GLP2R: variants seen among roughly 807,000 people sequenced by gnomAD.
The protein encoded by GLP2R is glucagon like peptide 2 receptor, also known as glucagon-like peptide 2 receptor.
GLP2R carries 59 observed loss-of-function variants against 68.2 expected under a neutral mutation model. That is an observed-to-expected ratio of 0.87 (90% CI 0.70 to 1.07). The LOEUF (loss-of-function observed/expected upper bound fraction) is 1.07, where lower values mean the gene tolerates loss of function less well. Ranked by LOEUF, GLP2R falls within the 50% of genes least tolerant of loss-of-function variation. The pLI, the probability that GLP2R is intolerant of heterozygous loss-of-function variation, is 0.00. For missense variants in GLP2R, 548 were observed against 677.4 expected, an observed-to-expected ratio of 0.81 and a Z score of 2.12; for synonymous variants, 270 against 265.4, an observed-to-expected ratio of 1.02 and a Z score of -0.17.
At chr17:9,851,991 A>ATTT (rs2066895467) in intron 4 of GLP2R, among the ~76,000 whole-genome samples, 2 of 152,022 alleles carry the variant, frequency 1.3e-5, no homozygotes, top group Admixed American at 1.3e-4. Flanking sequence ...AAAATACAAT[A>ATTT]TGCCAATAAT....
intron 9 of GLP2R, among the ~76,000 whole-genome samples, chr17:9,868,394 G>A (rs893214309): frequency 6.6e-6 from 1 of 152,142 alleles, no homozygotes; most frequent in African/African-American, 2.4e-5. Flanking sequence ...GCCCAGATCT[G>A]TGCACAGAAG....
At chr17:9,838,375 G>T (rs1164822916) in intron 3 of GLP2R, among the ~76,000 whole-genome samples, 2 of 152,172 alleles carry the variant, frequency 1.3e-5, no homozygotes, top group Non-Finnish European at 2.9e-5. Flanking sequence ...CACAGCTGCC[G>T]CTTGGTCCGC....
At chr17:9,845,729 G>A (rs1484302050) in intron 4 of GLP2R, among the ~76,000 whole-genome samples, 2 of 141,070 alleles carry the variant, frequency 1.4e-5, no homozygotes, top group African/African-American at 5.7e-5. Flanking sequence ...CTATTTGGTT[G>A]GATTTATGTG....
intron 9 of GLP2R, among the ~76,000 whole-genome samples, chr17:9,862,940 G>C (rs1479878734): frequency 1.3e-5 from 2 of 152,166 alleles, no homozygotes; most frequent in Non-Finnish European, 1.5e-5. Context: ...TTATAGGGGA[G>C]TTTCAATATT....
chr17:9,865,860 G>A, intron 9 of GLP2R: 1 of 471,230 alleles, frequency 2.1e-6, no homozygotes, highest in Non-Finnish European at 4.4e-6. Flanking sequence ...AAACGGGCTT[G>A]AAGAGAAATG....
chr17:9,872,287 G>A (rs1427118940), intron 10 of GLP2R, among the ~76,000 whole-genome samples: 1 of 152,116 alleles, frequency 6.6e-6, no homozygotes, highest in Non-Finnish European at 1.5e-5. Flanking sequence ...AATAAAAGGT[G>A]GACATGAGGC....
intron 11 of GLP2R, 85 bp downstream of exon 11, chr17:9,880,601 C>G: frequency 2.2e-6 from 2 of 890,668 alleles, no homozygotes; most frequent in Non-Finnish European, 3.4e-6. Flanking sequence ...TTAAGGAGCC[C>G]GTGGATGAAA....
chr17:9,861,721 C>CA (rs2066989505), intron 8 of GLP2R, among the ~76,000 whole-genome samples: 1 of 151,996 alleles, frequency 6.6e-6, no homozygotes, highest in Non-Finnish European at 1.5e-5. Flanking sequence ...ATAGCACACA[C>CA]AAAAAACTAC....
chr17:9,841,822 C>A (rs192622192), intron 3 of GLP2R, among the ~76,000 whole-genome samples: 1 of 152,272 alleles, frequency 6.6e-6, no homozygotes, highest in Admixed American at 6.5e-5. Context: ...CAGATTTCGA[C>A]TTCTCGTTTG....
chr17:9,851,648 G>A (rs187797543), intron 4 of GLP2R, among the ~76,000 whole-genome samples: 95 of 152,072 alleles, frequency 6.2e-4, no homozygotes, highest in African/African-American at 2.2e-3. Context: ...AGTCTACACC[G>A]AGAGTTCTGC....
chr17:9,886,321 T>C (rs2067243945), intron 11 of GLP2R, among the ~76,000 whole-genome samples: 1 of 152,226 alleles, frequency 6.6e-6, no homozygotes, highest in Admixed American at 6.5e-5. Context: ...CCATGTGTTC[T>C]GTGGGACCCA....
At chr17:9,859,718 C>A (rs1334089398) in intron 6 of GLP2R, among the ~76,000 whole-genome samples, 1 of 144,932 alleles carries the variant, frequency 6.9e-6, no homozygotes, top group Non-Finnish European at 1.5e-5. Flanking sequence ...ACTCGGGGGG[C>A]TGACGCAGGA....
At chr17:9,855,703 C>A (rs980075489) in intron 5 of GLP2R, among the ~76,000 whole-genome samples, 3 of 152,220 alleles carry the variant, frequency 2.0e-5, no homozygotes, top group Non-Finnish European at 4.4e-5. Context: ...ATTATTATTA[C>A]CCCCACTTTA....
intron 8 of GLP2R, 113 bp downstream of exon 8, chr17:9,861,312 G>T (rs2066985622): frequency 1.3e-6 from 1 of 743,840 alleles, no homozygotes; most frequent in Non-Finnish European, 2.4e-6. Context: ...TCTCATTTTG[G>T]CCATCTAGAA....
At chr17:9,855,222 T>C (rs2066924706) in intron 5 of GLP2R, among the ~76,000 whole-genome samples, 1 of 152,090 alleles carries the variant, frequency 6.6e-6, no homozygotes, top group African/African-American at 2.4e-5. Context: ...TCATGAATCA[T>C]CAAAGCTGGA....
rs908860421 is a variant in GLP2R, at chr17:9,862,063, C to T, written c.1029C>T (p.Ile343=). Residue 343 remains isoleucine, a synonymous_variant, in exon 9 of 13, where the codon ATC becomes ATT. Transcript: ENST00000262441. ...GGAATAAGAAAATCTGGTGGATCATCCGAGGACCCATGATGCTCTGTGTAA... is the reference window on the plus strand; with the variant it reads ...GGAATAAGAAAATCTGGTGGATCATTCGAGGACCCATGATGCTCTGTGTAA... The part of the protein sequence containing the change: ...TNGNKKIWWI[I]RGPMMLCVTV... 1.2e-6 allele frequency: 2 copies of T among 1,613,620 alleles called. No homozygotes were observed. Among genetic ancestry groups the T allele is most frequent in the African/African-American group, 1.3e-5 (1 of 75,026 alleles).
Position 9,870,775 on chromosome 17 carries a change from T to A in GLP2R, c.1085T>A (p.Leu362His). The change falls in exon 10 of 13, where the codon CTC becomes CAC. Residue 362 changes from leucine to histidine, a missense_variant. Coordinates refer to ENST00000262441, the MANE Select transcript of GLP2R (RefSeq NM_004246.3). The stretch of plus-strand genomic sequence containing the variant: ...AATTTCTTCATCTTCCTGAAAATTC[T>A]CAAGCTTCTCATTTCTAAGCTCAAA... ...TVNFFIFLKI[L>H]KLLISKLKAH... 6.4e-7 allele frequency: 1 copy of A among 1,573,392 alleles called. No homozygotes were observed. Among genetic ancestry groups the A allele is most frequent in the Non-Finnish European group, 8.8e-7 (1 of 1,142,514 alleles).
At chr17:9,839,989 T>TC (rs2066770599) in intron 3 of GLP2R, among the ~76,000 whole-genome samples, 1 of 151,338 alleles carries the variant, frequency 6.6e-6, no homozygotes. Context: ...GCCTCTTTTT[T>TC]TTTTTTTTTG....
chr17:9,862,195 G>A (rs572336806), intron 9 of GLP2R, 105 bp downstream of exon 9: 409 of 804,218 alleles, frequency 5.1e-4, no homozygotes, highest in Admixed American at 1.3e-3. Context: ...TCCCTTGAGA[G>A]AGAGAAGCTG....
Sources: gnomAD v4.1 joint callset for allele counts (sites outside exome capture counted in the v4.1 genomes callset) on GRCh38, gnomAD v4.1.1 for gene constraint, MANE v1.5 for transcripts, NCBI Gene and HGNC (gene_info 2026-07-23, HGNC 2026-07-21) for gene names.